Variants in SCUBE2 observed in about 807,000 individuals in gnomAD.
SCUBE2 encodes the protein signal peptide, CUB and EGF-like domain-containing protein 2.
SCUBE2 carries 114 observed loss-of-function variants against 125.9 expected under a neutral mutation model. The ratio of observed to expected loss-of-function variants is 0.91; its 90% CI spans 0.78 to 1.06. The LOEUF (loss-of-function observed/expected upper bound fraction) is 1.06. SCUBE2 is among the 50% of genes least tolerant of loss of function. The pLI, the probability that SCUBE2 is intolerant of heterozygous loss-of-function variation, is 0.00. For synonymous variants in SCUBE2, 459 were observed against 492.9 expected, an observed-to-expected ratio of 0.93 and a Z score of 0.91; for missense variants, 1,255 against 1,301.8, an observed-to-expected ratio of 0.96 and a Z score of 0.55.
At chr11:9,065,744 C>A (rs1424741316) in intron 7 of SCUBE2, 147 bp downstream of exon 7, 5 of 655,314 alleles carry the variant, frequency 7.6e-6, no homozygotes, top group African/African-American at 7.2e-5. Flanking sequence ...TGGTGAAGAA[C>A]AGACACACAC....
chr11:9,054,725 A>ATTTTTTT (rs1174774188), intron 10 of SCUBE2, among the ~76,000 whole-genome samples: 9 of 22,348 alleles, frequency 4.0e-4, no homozygotes, highest in African/African-American at 6.4e-4. Flanking sequence ...ATATATATAT[A>ATTTTTTT]TTTTTTTTTT....
chr11:9,024,696 T>TATGTCCTTCCCTCTTTCTGA (rs1435176396), intron 21 of SCUBE2, among the ~76,000 whole-genome samples: 4 of 152,124 alleles, frequency 2.6e-5, no homozygotes, highest in African/African-American at 9.7e-5. Flanking sequence ...TCCTTTGACT[T>TATGTCCTTCCCTCTTTCTGA]ATGTCCTTCC....
intron 2 of SCUBE2, among the ~76,000 whole-genome samples, chr11:9,087,770 T>G (rs1271911965): frequency 6.6e-6 from 1 of 152,218 alleles, no homozygotes; most frequent in Non-Finnish European, 1.5e-5. Context: ...TTCCCTTCCT[T>G]TGTAACAAAG....
chr11:9,021,923 G>C lies in SCUBE2; in HGVS notation c.2887C>G (p.Arg963Gly). The change falls in exon 22 of 23, where the codon CGA becomes GGA. Residue 963 changes from arginine to glycine, a missense_variant. By Grantham distance (125) the Arg-to-Gly change is moderately radical. Around this residue, in one of 3 missense-constraint regions of SCUBE2, gnomAD observed 515 missense variants for 515.7 expected, o/e 1.00. Transcript: ENST00000649792. Reference protein sequence around the residue: ...DYQELIEDIVRDGRLYASENH... With the variant: ...DYQELIEDIVGDGRLYASENH... Reference sequence around the variant, plus strand: ...TCAGATGCATAGAGCCTGCCATCTCGAACTATGTCTTCAATGAGTTCCTGG... The same window carrying C: ...TCAGATGCATAGAGCCTGCCATCTCCAACTATGTCTTCAATGAGTTCCTGG... 1 of 1,613,766 alleles carries C rather than the reference G, an allele frequency of 6.2e-7. No individual in the cohort carries two copies. Among genetic ancestry groups the C allele is most frequent in the Non-Finnish European group, 8.5e-7 (1 of 1,179,724 alleles).
Position 9,091,391 on chromosome 11 carries a change from C to A in SCUBE2, c.133+5G>T. The stretch of plus-strand genomic sequence containing the variant: ...CCAGGTGCGCCCCCGCGGCCGGACA[C>A]TCACCCTCCTGCGGCCCCGCGGCAC... On this transcript the variant is annotated splice_donor_5th_base_variant and intron_variant, in intron 1 of 22. Transcript: ENST00000649792. The surrounding 1 kb of genome is among the most constrained non-coding windows in gnomAD (Gnocchi z 8.5). The A allele has an allele frequency of 7.6e-7, 1 of 1,314,430 alleles. No individual in the cohort carries two copies. The highest frequency in any genetic ancestry group is 9.6e-7 in the Non-Finnish European group (1 of 1,038,176). 81.4% of individuals were successfully genotyped at this position (1,314,430 alleles called of 1,614,324 possible).
intron 4 of SCUBE2, among the ~76,000 whole-genome samples, chr11:9,074,273 C>G (rs1436383243): frequency 6.6e-6 from 1 of 152,220 alleles, no homozygotes; most frequent in Non-Finnish European, 1.5e-5. Flanking sequence ...AGAGCTCACC[C>G]AGTCCAGTGC....
At chr11:9,024,045 C>T (rs968879977) in intron 21 of SCUBE2, among the ~76,000 whole-genome samples, 1 of 151,896 alleles carries the variant, frequency 6.6e-6, no homozygotes, top group Non-Finnish European at 1.5e-5. Context: ...GGGAGCTTCT[C>T]TGTGGGGAAA....
chr11:9,070,014 C>G (rs563892969), intron 4 of SCUBE2, among the ~76,000 whole-genome samples: 7 of 152,324 alleles, frequency 4.6e-5, no homozygotes, highest in Middle Eastern at 3.4e-3. Context: ...TTGGCATCCT[C>G]GTACGGGCCA....
intron 16 of SCUBE2, among the ~76,000 whole-genome samples, chr11:9,037,816 G>C (rs1464170811): frequency 6.6e-6 from 1 of 152,208 alleles, no homozygotes; most frequent in Admixed American, 6.5e-5. Context: ...CTGTAGTTGA[G>C]GCAGAGAAAT....
intron 4 of SCUBE2, 36 bp downstream of exon 4, chr11:9,074,445 G>T: frequency 6.2e-7 from 1 of 1,611,902 alleles, no homozygotes; most frequent in Non-Finnish European, 8.5e-7. Flanking sequence ...GGTCTCAGAT[G>T]TGGCTCTGCC....
intron 14 of SCUBE2, 147 bp downstream of exon 14, chr11:9,050,459 C>T (rs2135431367): frequency 1.5e-6 from 1 of 655,684 alleles, no homozygotes; most frequent in South Asian, 1.8e-5. Flanking sequence ...GGATGAGTCC[C>T]TGGAAGTTGG....
At chr11:9,053,990 CTTTTTTTTT>C (rs11474890) in intron 10 of SCUBE2, among the ~76,000 whole-genome samples, 2 of 75,064 alleles carry the variant, frequency 2.7e-5, no homozygotes, top group African/African-American at 5.6e-5. Context: ...AAGCTCCACT[CTTTTTTTTT>C]TTTTTTTTTT....
intron 7 of SCUBE2, among the ~76,000 whole-genome samples, chr11:9,063,611 A>T (rs1041229784): frequency 6.6e-6 from 1 of 152,258 alleles, no homozygotes; most frequent in Non-Finnish European, 1.5e-5. Context: ...GTAGAATATA[A>T]AGGCATTTTC....
At chr11:9,051,955 C>T (rs1178250979) in intron 13 of SCUBE2, among the ~76,000 whole-genome samples, 2 of 152,214 alleles carry the variant, frequency 1.3e-5, no homozygotes, top group East Asian at 3.9e-4. Context: ...GCTTGAGACT[C>T]TGGACCCAGA....
At chr11:9,038,521 G>A (rs1856933211) in intron 16 of SCUBE2, among the ~76,000 whole-genome samples, 1 of 152,098 alleles carries the variant, frequency 6.6e-6, no homozygotes, top group Non-Finnish European at 1.5e-5. Flanking sequence ...GCATGCCAGT[G>A]GGAGAATAGC....
intron 20 of SCUBE2, chr11:9,026,295 ACTTGC>A (rs1855752269): frequency 6.4e-6 from 1 of 157,100 alleles, no homozygotes; most frequent in Non-Finnish European, 1.4e-5. Flanking sequence ...GAGATTAAAT[ACTTGC>A]CCAGGGTCAT....
chr11:9,026,032 A>C (rs923533376), intron 20 of SCUBE2, 178 bp from the exon 21 acceptor site: 2 of 619,902 alleles, frequency 3.2e-6, no homozygotes, highest in African/African-American at 3.7e-5. Flanking sequence ...TCAGCTGGTA[A>C]TTGTGGACCC....
rs1862740214 is a variant in SCUBE2, at chr11:9,091,505, A to AT, written c.23_24insA (p.Pro9SerfsTer40). 2 of 1,030,780 alleles carry AT rather than the reference A, an allele frequency of 1.9e-6. No individual in the cohort carries two copies. The highest frequency in any genetic ancestry group is 8.7e-5 in the Admixed American group (2 of 23,104). The allele number at this position is 1,030,780 out of a possible 1,614,324, so 63.9% of individuals were successfully genotyped here. A position where few individuals can be genotyped will look rare whatever the true frequency, so the allele number is the denominator to read the frequency against. On this transcript the variant is annotated frameshift_variant, in exon 1 of 23. Transcript: ENST00000649792. LOFTEE classifies it high-confidence loss of function. This position sits in a 1 kb window ranked among gnomAD's most constrained non-coding sequence, Gnocchi z 8.5. ...GCAGCACCGCCCAGGCCGCCCCGGG[A>AT]CGGTTGCGGCCCGCGACCCCCATGG...
chr11:9,047,257 C>A, intron 16 of SCUBE2, 99 bp downstream of exon 16: 2 of 1,206,238 alleles, frequency 1.7e-6, no homozygotes, highest in Non-Finnish European at 2.4e-6. Context: ...CTAAAGTGAG[C>A]CCTGAGAAGG....
Sources: allele counts gnomAD v4.1 joint callset (sites outside exome capture counted in the v4.1 genomes callset), GRCh38; gene constraint gnomAD v4.1.1; regional missense constraint gnomAD v4.1.1; non-coding constraint Gnocchi (gnomAD v3.1); transcripts MANE v1.5; gene names NCBI Gene and HGNC (gene_info 2026-07-23, HGNC 2026-07-21).